Variants in FARP1 observed in about 807,000 individuals in gnomAD.
FARP1 encodes the protein FERM, ARH/RhoGEF and pleckstrin domain protein 1, also known as FERM, ARHGEF and pleckstrin domain-containing protein 1.
Under a neutral mutation model 128.8 loss-of-function variants are expected in FARP1, and 52 were observed. That is an observed-to-expected ratio of 0.40 (90% confidence interval 0.32 to 0.51). The LOEUF (loss-of-function observed/expected upper bound fraction) is 0.51. Ranked by LOEUF, FARP1 falls within the 20% of genes least tolerant of loss-of-function variation. FARP1 has a pLI of 0.45. For synonymous variants in FARP1, 580 were observed against 551.8 expected (o/e 1.05, Z -0.72); for missense variants, 1,333 against 1,367.9 (o/e 0.97, Z 0.40).
At chr13:98,301,801 C>T (rs529814505) in intron 2 of FARP1, among the ~76,000 whole-genome samples, 10 of 152,174 alleles carry the variant, frequency 6.6e-5, no homozygotes, top group Admixed American at 3.3e-4. Context: ...TACACGTACT[C>T]GGTGGTGTAT....
chr13:98,390,928 G>A (rs141282744), intron 11 of FARP1, 48 bp downstream of exon 11: 11 of 1,284,144 alleles, frequency 8.6e-6, no homozygotes, highest in African/African-American at 2.9e-5. Context: ...GCTCAGACTC[G>A]CCAGGTAACA....
At chr13:98,235,431 A>G (rs1477953128) in intron 2 of FARP1, among the ~76,000 whole-genome samples, 8 of 152,164 alleles carry the variant, frequency 5.3e-5, no homozygotes, top group African/African-American at 1.7e-4. Flanking sequence ...TGATGTTTCA[A>G]ATATAAAGAA....
intron 12 of FARP1, among the ~76,000 whole-genome samples, chr13:98,394,161 A>G (rs1890420622): frequency 1.3e-5 from 2 of 152,178 alleles, no homozygotes; most frequent in African/African-American, 4.8e-5. Context: ...CAGAGCTTGT[A>G]TTACAGGGCA....
chr13:98,310,748 A>G (rs1366229003), intron 2 of FARP1, among the ~76,000 whole-genome samples: 1 of 152,164 alleles, frequency 6.6e-6, no homozygotes. Flanking sequence ...TTTATCCCCT[A>G]AGAAAGACAG....
intron 2 of FARP1, chr13:98,234,701 G>A (rs528680612): frequency 6.6e-6 from 1 of 152,248 alleles, no homozygotes; most frequent in African/African-American, 2.4e-5. Context: ...GAAACAAAAA[G>A]AGAAATAAAT....
chr13:98,392,323 C>CAAAAAAAAAAAAAAAA (rs11289484), intron 11 of FARP1, among the ~76,000 whole-genome samples: 8 of 60,420 alleles, frequency 1.3e-4, no homozygotes, highest in African/African-American at 4.6e-4. Context: ...CATCTCTACC[C>CAAAAAAAAAAAAAAAA]AAAAAAAAAA....
Position 98,176,462 on chromosome 13 carries a change from A to T in FARP1, c.-24+32970A>T. The stretch of plus-strand genomic sequence containing the variant: ...ACTGGGTTTTGGAAGGCCTGGCGAC[A>T]TATGAAACACCTGAATGGTATTTCC... On this transcript the variant is annotated intron_variant, in intron 1 of 26. Transcript: ENST00000319562. The surrounding 1 kb of genome is among the most constrained non-coding windows in gnomAD (Gnocchi z 6.2). 6.2e-7 allele frequency: 1 copy of T among 1,614,250 alleles called. No homozygotes were observed. The highest frequency in any genetic ancestry group is 8.5e-7 in the Non-Finnish European group (1 of 1,180,044).
chr13:98,149,940 T>C lies in FARP1; in HGVS notation c.-24+6448T>C, dbSNP rs1410145103. ...TTTTAGTAGAGACAGGGTTTCACCA[T>C]GTTAGCCAGGATGGTCTCGATCTCC... On this transcript the variant is annotated intron_variant, in intron 1 of 26. Transcript: ENST00000319562. Among the ~76,000 whole-genome samples, 9 of 151,652 alleles carry C rather than the reference T, an allele frequency of 5.9e-5. No homozygotes were observed. In the East Asian group the frequency reaches 1.6e-3, roughly 26 times the overall value.
chr13:98,162,808 A>G (rs1876979009), intron 1 of FARP1, among the ~76,000 whole-genome samples: 2 of 152,186 alleles, frequency 1.3e-5, no homozygotes, highest in Admixed American at 1.3e-4. Flanking sequence ...GATCTTAAAA[A>G]CAAATACCCA....
intron 2 of FARP1, among the ~76,000 whole-genome samples, chr13:98,306,503 T>C (rs544168290): frequency 2.0e-5 from 3 of 151,992 alleles, no homozygotes; most frequent in South Asian, 2.1e-4. Flanking sequence ...AAAATCTTTT[T>C]TATCTTTTTC....
intron 24 of FARP1, among the ~76,000 whole-genome samples, chr13:98,443,981 A>T (rs1409441575): frequency 1.7e-5 from 1 of 58,988 alleles, no homozygotes; most frequent in Non-Finnish European, 4.0e-5. Flanking sequence ...GTGAGGCCAC[A>T]GAAACATCTC....
At chr13:98,435,916 C>T in intron 19 of FARP1, 1 of 663,532 alleles carries the variant, frequency 1.5e-6, no homozygotes, top group Non-Finnish European at 2.8e-6. Context: ...ACCTCATATT[C>T]TGCTTTTTCT....
intron 2 of FARP1, among the ~76,000 whole-genome samples, chr13:98,217,676 A>G (rs934675585): frequency 6.6e-6 from 1 of 152,178 alleles, no homozygotes; most frequent in African/African-American, 2.4e-5. Flanking sequence ...GCTCATCTCA[A>G]CCACAGTCCT....
intron 2 of FARP1, among the ~76,000 whole-genome samples, chr13:98,283,807 T>C (rs1885050127): frequency 6.6e-6 from 1 of 152,182 alleles, no homozygotes; most frequent in East Asian, 1.9e-4. Flanking sequence ...GGGTATTTGC[T>C]GACTATAATT....
At chr13:98,369,551 T>C (rs1326104207) in intron 5 of FARP1, among the ~76,000 whole-genome samples, 1 of 151,836 alleles carries the variant, frequency 6.6e-6, no homozygotes, top group Non-Finnish European at 1.5e-5. Flanking sequence ...GAGTGTGATG[T>C]TCCCCTTCCT....
In FARP1 at chr13:98,429,354, G is replaced by A. The variant is rs978925359; in HGVS notation, c.1906-1689G>A. 3.2e-4 allele frequency among the ~76,000 whole-genome samples: 49 copies of A among 152,312 alleles called. 3 individuals carry two copies. In the East Asian group the frequency reaches 3.7e-3, roughly 11 times the overall value. ...GGGTGGCTCAGGGTGAGTCGCAAGC[G>A]TCAATGCCAGAGAGGTCAGAGGGAT... On this transcript the variant is annotated intron_variant, in intron 17 of 26. Transcript: ENST00000319562.
At chr13:98,212,504 T>A (rs1303492255) in intron 1 of FARP1, among the ~76,000 whole-genome samples, 1 of 151,472 alleles carries the variant, frequency 6.6e-6, no homozygotes, top group Non-Finnish European at 1.5e-5. Flanking sequence ...GCTGAGGGTG[T>A]CATTAGACAA....
chr13:98,368,552 G>A (rs1889194759), intron 5 of FARP1, among the ~76,000 whole-genome samples: 2 of 152,192 alleles, frequency 1.3e-5, no homozygotes, highest in African/African-American at 4.8e-5. Flanking sequence ...GCTGCCATGG[G>A]TGGTAGATTT....
chr13:98,190,615 T>C (rs955490561), intron 1 of FARP1, among the ~76,000 whole-genome samples: 2 of 152,160 alleles, frequency 1.3e-5, no homozygotes, highest in African/African-American at 4.8e-5. Context: ...GAGGCTGGAG[T>C]GCAGTGGCAC....
Sources: gnomAD v4.1 joint callset for allele counts (sites outside exome capture counted in the v4.1 genomes callset) on GRCh38, gnomAD v4.1.1 for gene constraint, Gnocchi (gnomAD v3.1) non-coding constraint, MANE v1.5 for transcripts, NCBI Gene and HGNC (gene_info 2026-07-23, HGNC 2026-07-21) for gene names.